TMED1: variants seen among roughly 807,000 people sequenced by gnomAD.
TMED1 encodes transmembrane emp24 domain-containing protein 1.
TMED1 carries 20 observed loss-of-function variants against 21.2 expected under a neutral mutation model. The observed-to-expected ratio is 0.95, with a 90% CI of 0.67 to 1.37. The LOEUF (loss-of-function observed/expected upper bound fraction) is 1.37. Among genes scored for constraint, TMED1 ranks in the 40% most tolerant of loss-of-function variants. The pLI, the probability that TMED1 is intolerant of heterozygous loss-of-function variation, is 0.00. For synonymous variants in TMED1, 149 were observed against 134.7 expected (o/e 1.11, Z -0.74); for missense variants, 316 against 309.8 (o/e 1.02, Z -0.15).
In TMED1 at chr19:10,834,996, C is replaced by T; in HGVS notation, c.403G>A (p.Glu135Lys). The T allele has an allele frequency of 2.5e-6, 4 of 1,614,228 alleles. No homozygotes were observed. The highest frequency in any genetic ancestry group is 1.1e-5 in the South Asian group (1 of 91,090). Reference sequence around the variant, plus strand: ...GGCTCCACAGCCTCTGCCCATCCTTCGACCTCCTCGTCATCCTGGAGGCTG... The same window carrying T: ...GGCTCCACAGCCTCTGCCCATCCTTTGACCTCCTCGTCATCCTGGAGGCTG... ...FDSLQDDEEV[E>K]GWAEAVEPEE... The change falls in exon 3 of 4, where the codon GAA becomes AAA. Residue 135 changes from glutamate (E) to lysine (K), a missense_variant. Physicochemically the swap from Glu to Lys is moderately conservative, Grantham distance 56. Transcript: ENST00000214869.
Position 10,834,406 on chromosome 19 carries a change from T to G in TMED1, c.465+528A>C, listed in dbSNP as rs371604791. On this transcript the variant is annotated intron_variant, in intron 3 of 3. Transcript: ENST00000214869. ...TTTACGGTATGAGTTATTTATGATATGAGTTCCTTAAACCTTTACACCAGG... is the reference window on the plus strand; with the variant it reads ...TTTACGGTATGAGTTATTTATGATAGGAGTTCCTTAAACCTTTACACCAGG... 3.9e-4 allele frequency among the ~76,000 whole-genome samples: 60 copies of G among 151,970 alleles called. 3 individuals carry two copies. The South Asian group carries it at 0.012, about 31-fold the overall frequency.
Position 10,832,114 on chromosome 19 carries a change from G to A in TMED1, c.*881C>T, listed in dbSNP as rs2073362016. Among the ~76,000 whole-genome samples the A allele has an allele frequency of 6.6e-6, 1 of 152,118 alleles. No homozygotes were observed. The highest frequency in any genetic ancestry group is 2.4e-5 in the African/African-American group (1 of 41,398). Reference sequence around the variant, plus strand: ...CCTTAGCATGTGAGGAGTGGGAGCAGATATTCTCTGACCCCCTGCACACCC... The same window carrying A: ...CCTTAGCATGTGAGGAGTGGGAGCAAATATTCTCTGACCCCCTGCACACCC... On this transcript the variant is annotated 3_prime_UTR_variant, in exon 4 of 4. Transcript: ENST00000214869.
chr19:10,834,978 C>T lies in TMED1; in HGVS notation c.421G>A (p.Val141Met). 1 of 1,614,212 alleles carries T rather than the reference C, an allele frequency of 6.2e-7. No homozygotes were observed. Among genetic ancestry groups the T allele is most frequent in the Non-Finnish European group, 8.5e-7 (1 of 1,180,032 alleles). The change falls in exon 3 of 4, where the codon GTG (valine) becomes ATG (methionine). Residue 141 changes from valine (V) to methionine (M), a missense_variant. Val to Met is a conservative substitution (Grantham distance 21). Transcript: ENST00000214869. ...ACATCCAGCATCTCCTCGGGCTCCACAGCCTCTGCCCATCCTTCGACCTCC... is the reference window on the plus strand; with the variant it reads ...ACATCCAGCATCTCCTCGGGCTCCATAGCCTCTGCCCATCCTTCGACCTCC... The part of the protein sequence containing the change: ...DEEVEGWAEA[V>M]EPEEMLDVKM...
intron 3 of TMED1, among the ~76,000 whole-genome samples, chr19:10,833,871 G>A (rs1451990281): frequency 6.6e-6 from 1 of 152,156 alleles, no homozygotes; most frequent in Non-Finnish European, 1.5e-5. Flanking sequence ...ACTCCAGCCT[G>A]AGTGACACAG....
intron 3 of TMED1, among the ~76,000 whole-genome samples, chr19:10,833,729 C>T (rs956425027): frequency 6.6e-6 from 1 of 152,096 alleles, no homozygotes; most frequent in Admixed American, 6.6e-5. Flanking sequence ...CCCTAGCCAA[C>T]ATGGTGAAAC....
At position 10,832,700 on chromosome 19, in the gene TMED1, T is replaced by C; in HGVS notation, c.*295A>G. On this transcript the variant is annotated 3_prime_UTR_variant, in exon 4 of 4. Transcript: ENST00000214869. ...CTAACACAGGATGGGAGGCTTAGGC[T>C]AAGGCACATTTACAGTAGAGGGGCC... is the stretch of plus-strand genomic sequence containing the variant. The C allele has an allele frequency of 1.7e-6, 1 of 593,684 alleles. No individual in the cohort carries two copies. Among genetic ancestry groups the C allele is most frequent in the Non-Finnish European group, 3.0e-6 (1 of 334,370 alleles). 36.8% of individuals were successfully genotyped at this position (593,684 alleles called of 1,614,324 possible).
chr19:10,834,941 TC>T lies in TMED1; in HGVS notation c.457del (p.Asp153ThrfsTer95). ...AGCGCAGCCTGGACACACCTTGATG[TC>T]CTCCATTTTAACATCCAGCATCTCC... ...PEEMLDVKME[D>X]IKESIETMRT... On this transcript the variant is annotated frameshift_variant, in exon 3 of 4. Coordinates refer to ENST00000214869, the MANE Select transcript of TMED1 (RefSeq NM_006858.4). LOFTEE classifies it high-confidence loss of function. 1 of 1,613,850 alleles carries T rather than the reference TC, an allele frequency of 6.2e-7. No individual in the cohort carries two copies.
chr19:10,834,758 G>A (rs2073404520), intron 3 of TMED1, 176 bp downstream of exon 3: 2 of 731,210 alleles, frequency 2.7e-6, no homozygotes, highest in South Asian at 1.8e-5. Context: ...TGGGATTACA[G>A]GCGTGAGCCA....
At chr19:10,834,816 T>C in intron 3 of TMED1, 118 bp downstream of exon 3, 1 of 1,201,100 alleles carries the variant, frequency 8.3e-7, no homozygotes, top group South Asian at 1.5e-5. Context: ...CTGCTACTCT[T>C]ACTATAATTC....
At position 10,835,145 on chromosome 19, in the gene TMED1, C is replaced by T. The variant is rs191992359; in HGVS notation, c.282-28G>A. 5.5e-4 allele frequency: 891 copies of T among 1,608,804 alleles called. 4 individuals carry two copies. In the African/African-American group the frequency reaches 0.011, roughly 19 times the overall value. On this transcript the variant is annotated intron_variant, in intron 2 of 3. Coordinates refer to ENST00000214869, the MANE Select transcript of TMED1 (RefSeq NM_006858.4). The stretch of plus-strand genomic sequence containing the variant: ...GGGCAGACAGACACACAGACATGAC[C>T]CAGGGTGGCCAGCCAGCCGACTCAG...
Position 10,835,595 on chromosome 19 carries a change from A to C in TMED1, c.184-242T>G, listed in dbSNP as rs1399043700. On this transcript the variant is annotated intron_variant, in intron 1 of 3. Coordinates refer to ENST00000214869, the MANE Select transcript of TMED1 (RefSeq NM_006858.4). ...CGCACCTACCAAAAGTACTTAATGG[A>C]CGTTTACCTGACCACGCCCCTGGTT... The C allele has an allele frequency of 1.8e-5, 25 of 1,417,590 alleles. No homozygotes were observed. The South Asian group carries it at 3.8e-4, about 21-fold the overall frequency. The allele number at this position is 1,417,590 out of a possible 1,614,324, so 87.8% of individuals were successfully genotyped here.
At position 10,832,285 on chromosome 19, in the gene TMED1, G is replaced by C. The variant is rs1450083591; in HGVS notation, c.*710C>G. On this transcript the variant is annotated 3_prime_UTR_variant, in exon 4 of 4. Coordinates refer to ENST00000214869, the MANE Select transcript of TMED1 (RefSeq NM_006858.4). The stretch of plus-strand genomic sequence containing the variant: ...GGGGCTCAGTTAAACTTTGCTTTCT[G>C]ATTTTTCTCTTGTGCCAGGCGACCA... 1 of 1,289,612 alleles carries C rather than the reference G, an allele frequency of 7.8e-7. No homozygotes were observed. Among genetic ancestry groups the C allele is most frequent in the African/African-American group, 1.5e-5 (1 of 65,828 alleles). 79.9% of individuals were successfully genotyped at this position (1,289,612 alleles called of 1,614,324 possible). A position where few individuals can be genotyped will look rare whatever the true frequency, so the allele number is the denominator to read the frequency against.
chr19:10,835,982 C>A, intron 1 of TMED1, 27 bp downstream of exon 1: 1 of 1,549,776 alleles, frequency 6.5e-7, no homozygotes, highest in East Asian at 2.4e-5. Flanking sequence ...CCTGACTCTG[C>A]TGGCCGCCCA....
In TMED1 at chr19:10,833,137, C is replaced by T. The variant is rs754900808; in HGVS notation, c.542G>A (p.Arg181His). 39 of 1,614,030 alleles carry T rather than the reference C, an allele frequency of 2.4e-5. No homozygotes were observed. The highest frequency in any genetic ancestry group is 3.3e-5 in the Admixed American group (2 of 60,012). The change falls in exon 4 of 4, where the codon CGT (arginine) becomes CAT (histidine). Residue 181 changes from arginine to histidine, a missense_variant. Arg to His is a conservative substitution (Grantham distance 29, BLOSUM62 0). Coordinates refer to ENST00000214869, the MANE Select transcript of TMED1 (RefSeq NM_006858.4). ...MLTLLRAFEA[R>H]DRNLQEGNLE... ...GTTGCCCTCTTGCAGGTTGCGGTCA[C>T]GTGCCTCGAAGGCCCGCAGTAGCGT...
rs141824261 is a variant in TMED1, at chr19:10,832,735, G to A, written c.*260C>T. Reference sequence around the variant, plus strand: ...TTACAGTAGAGGGGCCAGGAAATCCGAGGCTCACGTTCCAACGCTGCAGTG... The same window carrying A: ...TTACAGTAGAGGGGCCAGGAAATCCAAGGCTCACGTTCCAACGCTGCAGTG... On this transcript the variant is annotated 3_prime_UTR_variant, in exon 4 of 4. Coordinates refer to ENST00000214869, the MANE Select transcript of TMED1 (RefSeq NM_006858.4). 1.1e-4 allele frequency: 64 copies of A among 597,766 alleles called. No homozygotes were observed. Among genetic ancestry groups the A allele is most frequent in the African/African-American group, 7.2e-4 (39 of 53,940 alleles). The allele number at this position is 597,766 out of a possible 1,614,324, so 37.0% of individuals were successfully genotyped here. A position where few individuals can be genotyped will look rare whatever the true frequency, so the allele number is the denominator to read the frequency against.
chr19:10,834,684 T>C (rs2073403254), intron 3 of TMED1: 1 of 323,688 alleles, frequency 3.1e-6, no homozygotes, highest in African/African-American at 2.1e-5. Context: ...TTCACCATGT[T>C]GGCCAGGCTG....
chr19:10,835,981 G>A (rs1285599670), intron 1 of TMED1, 28 bp downstream of exon 1: 2 of 1,548,756 alleles, frequency 1.3e-6, no homozygotes, highest in Non-Finnish European at 1.7e-6. Flanking sequence ...CCCTGACTCT[G>A]CTGGCCGCCC....
intron 3 of TMED1, 94 bp from the exon 4 acceptor site, chr19:10,833,307 T>A: frequency 1.9e-6 from 2 of 1,038,742 alleles, no homozygotes; most frequent in Non-Finnish European, 2.9e-6. Context: ...GAGGCTGTAT[T>A]AACCCTGGGA....
At position 10,835,028 on chromosome 19, in the gene TMED1, ATCAGT is replaced by A. The variant is rs1399121051; in HGVS notation, c.366_370del (p.Glu122AspfsTer3). The A allele has an allele frequency of 3.1e-6, 5 of 1,614,052 alleles. No homozygotes were observed. The highest frequency in any genetic ancestry group is 4.2e-6 in the Non-Finnish European group (5 of 1,180,034). On this transcript the variant is annotated frameshift_variant, in exon 3 of 4. Transcript: ENST00000214869. LOFTEE classifies it high-confidence loss of function. ...CTCGTCATCCTGGAGGCTGTCAAAG[ATCAGT>A]TCAAAGAACACCAGCTTCTCGGAGA...
Sources: gnomAD v4.1 joint callset for allele counts (sites outside exome capture counted in the v4.1 genomes callset) on GRCh38, gnomAD v4.1.1 for gene constraint, MANE v1.5 for transcripts, NCBI Gene and HGNC (gene_info 2026-07-23, HGNC 2026-07-21) for gene names.